The following ANKRD30BL variants were observed in gnomAD, a reference collection of about 807,000 sequenced individuals.
ANKRD30BL encodes the protein ankyrin repeat domain 30B like, also known as putative ankyrin repeat domain-containing protein 30B-like.
In ANKRD30BL, 20 loss-of-function variants were observed where a neutral mutation model predicts 18.4. The observed-to-expected ratio is 1.09, with a 90% CI of 0.77 to 1.58. The LOEUF (loss-of-function observed/expected upper bound fraction) is 1.58. ANKRD30BL is among the 40% of genes most tolerant of loss of function. The pLI, the probability that ANKRD30BL is intolerant of heterozygous loss-of-function variation, is 0.00. For missense variants in ANKRD30BL, 224 were observed against 268.6 expected (o/e 0.83, Z 1.16); for synonymous variants, 72 against 100.9 (o/e 0.71, Z 1.72).
intron 1 of ANKRD30BL, among the ~76,000 whole-genome samples, chr2:132,232,545 C>T (rs913248945): frequency 1.3e-5 from 2 of 151,952 alleles, no homozygotes; most frequent in Non-Finnish European, 2.9e-5. Context: ...AATGCAGAAG[C>T]CTCAGGAGCT....
At chr2:132,162,776 C>G (rs1234643457), upstream of ANKRD30BL, among the ~76,000 whole-genome samples, 76 of 148,628 alleles carry the variant, frequency 5.1e-4, no homozygotes, top group Middle Eastern at 3.2e-3. Context: ...GCGCCCTGAG[C>G]GCTGGTTTGC....
At chr2:132,183,462 CG>C (rs1688509501) in intron 1 of ANKRD30BL, among the ~76,000 whole-genome samples, 1 of 151,928 alleles carries the variant, frequency 6.6e-6, no homozygotes, top group Admixed American at 6.6e-5. Context: ...ATAAATATGA[CG>C]TAAAAAAGGG....
intron 1 of ANKRD30BL, among the ~76,000 whole-genome samples, chr2:132,240,087 T>C (rs111834307): frequency 6.6e-6 from 1 of 151,766 alleles, no homozygotes; most frequent in Non-Finnish European, 1.5e-5. Flanking sequence ...AAACACTCTT[T>C]TAGTAGAATC....
At chr2:132,225,687 T>G (rs559808393) in intron 1 of ANKRD30BL, among the ~76,000 whole-genome samples, 1 of 151,842 alleles carries the variant, frequency 6.6e-6, no homozygotes, top group South Asian at 2.1e-4. Flanking sequence ...AGATAGAAGT[T>G]TTTTCCGAAA....
intron 1 of ANKRD30BL, among the ~76,000 whole-genome samples, chr2:132,233,778 G>A (rs201465360): frequency 3.9e-4 from 58 of 148,220 alleles, no homozygotes; most frequent in Non-Finnish European, 7.2e-4. Flanking sequence ...ACAGATCAAC[G>A]AGACAGAAAG....
chr2:132,227,452 T>C (rs1407546061), intron 1 of ANKRD30BL, among the ~76,000 whole-genome samples: 2 of 152,050 alleles, frequency 1.3e-5, no homozygotes, highest in Admixed American at 1.3e-4. Flanking sequence ...CAGTGGGACA[T>C]ACCTTATCAT....
At chr2:132,177,789 G>A (rs2104945311) in intron 1 of ANKRD30BL, among the ~76,000 whole-genome samples, 1 of 152,250 alleles carries the variant, frequency 6.6e-6, no homozygotes, top group South Asian at 2.1e-4. Flanking sequence ...GTTTATAAAT[G>A]TGGTTATATT....
intron 1 of ANKRD30BL, chr2:132,257,484 TC>T: frequency 3.9e-6 from 1 of 259,098 alleles, no homozygotes; most frequent in Non-Finnish European, 7.5e-6. Flanking sequence ...CTTCCCTGGG[TC>T]CCCACCGCGG....
intron 1 of ANKRD30BL, among the ~76,000 whole-genome samples, chr2:132,238,525 T>C (rs566377889): frequency 2.0e-5 from 3 of 152,026 alleles, no homozygotes; most frequent in South Asian, 4.2e-4. Context: ...TGAACATTCG[T>C]TTTCATGGAG....
chr2:132,189,450 C>G (rs1678800614), intron 1 of ANKRD30BL, among the ~76,000 whole-genome samples: 2 of 151,768 alleles, frequency 1.3e-5, no homozygotes, highest in South Asian at 4.2e-4. Context: ...TTGCAGCATT[C>G]TCTCTTTTAC....
intron 1 of ANKRD30BL, among the ~76,000 whole-genome samples, chr2:132,196,205 A>ATAG (rs1678967200): frequency 6.6e-6 from 1 of 152,156 alleles, no homozygotes; most frequent in Non-Finnish European, 1.5e-5. Context: ...AAGGCCAGGC[A>ATAG]TAGTGGCTTA....
intron 1 of ANKRD30BL, chr2:132,256,884 C>G: frequency 2.3e-6 from 1 of 440,780 alleles, no homozygotes; most frequent in Non-Finnish European, 4.5e-6. Context: ...GATCCGCGGG[C>G]AGGGTGGGGG....
Position 132,222,044 on chromosome 2 carries a change from G to C in ANKRD30BL, n.441+35485C>G, listed in dbSNP as rs1199371711. 3.5e-4 allele frequency among the ~76,000 whole-genome samples: 30 copies of C among 84,808 alleles called. 2 individuals carry two copies. In the East Asian group the frequency reaches 0.01, roughly 30 times the overall value. 55.6% of individuals were successfully genotyped at this position (84,808 alleles called of 152,430 possible). A position where few individuals can be genotyped will look rare whatever the true frequency, so the allele number is the denominator to read the frequency against. On this transcript the variant is annotated intron_variant and non_coding_transcript_variant, in intron 1 of 4. Coordinates refer to the ANKRD30BL transcript ENST00000470729. Reference sequence around the variant, plus strand: ...CAGCCACCCTGTCCGGGAGGGAGGCGGGGGGGGGGGTCGGCCAGCCGCCCC... The same window carrying C: ...CAGCCACCCTGTCCGGGAGGGAGGCCGGGGGGGGGGTCGGCCAGCCGCCCC...
Position 132,176,604 on chromosome 2 carries a change from C to T in ANKRD30BL, n.442-19458G>A, listed in dbSNP as rs201473084. The stretch of plus-strand genomic sequence containing the variant: ...CCAGCCTGGGCGATAGAGCAAGACT[C>T]TGTATTCAAAAAAAGAAAAAAGACA... On this transcript the variant is annotated intron_variant and non_coding_transcript_variant, in intron 1 of 4. Transcript: ENST00000470729. Among the ~76,000 whole-genome samples, 29 of 151,386 alleles carry T rather than the reference C, an allele frequency of 1.9e-4. 1 individual carries two copies. In the South Asian group the frequency reaches 5.4e-3, roughly 28 times the overall value.
At chr2:132,221,351 C>G (rs1422225235) in intron 1 of ANKRD30BL, among the ~76,000 whole-genome samples, 1 of 140,062 alleles carries the variant, frequency 7.1e-6, no homozygotes, top group African/African-American at 2.8e-5. Context: ...GGCCAGCCGC[C>G]CAGTCCGGGA....
chr2:132,248,799 C>T (rs373363294), intron 1 of ANKRD30BL, among the ~76,000 whole-genome samples: 231 of 134,870 alleles, frequency 1.7e-3, no homozygotes, highest in East Asian at 2.9e-3. Context: ...CCTTTTTCAC[C>T]ATAGGCCTCA....
At chr2:132,172,099 G>A (rs1213176154) in intron 1 of ANKRD30BL, among the ~76,000 whole-genome samples, 1 of 152,192 alleles carries the variant, frequency 6.6e-6, no homozygotes, top group South Asian at 2.1e-4. Flanking sequence ...TGAATATGGT[G>A]TATTTTGTTT....
chr2:132,200,829 A>C (rs1382715778), intron 1 of ANKRD30BL, among the ~76,000 whole-genome samples: 1 of 152,218 alleles, frequency 6.6e-6, no homozygotes, highest in African/African-American at 2.4e-5. Context: ...AAGAGCCCGC[A>C]TCGCCAAGTC....
chr2:132,217,548 G>C (rs571606412), intron 1 of ANKRD30BL, among the ~76,000 whole-genome samples: 1 of 152,180 alleles, frequency 6.6e-6, no homozygotes, highest in Admixed American at 6.6e-5. Flanking sequence ...TCTTTTAGTA[G>C]AATCTGCAAG....
Sources: allele counts gnomAD v4.1 joint callset (sites outside exome capture counted in the v4.1 genomes callset), GRCh38; gene constraint gnomAD v4.1.1; transcripts MANE v1.5; gene names NCBI Gene and HGNC (gene_info 2026-07-23, HGNC 2026-07-21).